Variants in ATP8A1 observed in about 807,000 individuals in gnomAD.
ATP8A1 encodes phospholipid-transporting ATPase IA.
ATP8A1 carries 90 observed loss-of-function variants against 177.7 expected under a neutral mutation model. That is an observed-to-expected ratio of 0.51 (90% CI 0.43 to 0.60). The LOEUF (loss-of-function observed/expected upper bound fraction) is 0.60. Among genes scored for constraint, ATP8A1 ranks in the 20% least tolerant of loss-of-function variants. The pLI is 0.00. For missense variants in ATP8A1, 1,072 were observed against 1,392.8 expected (o/e 0.77, Z 3.67); for synonymous variants, 493 against 485.9 (o/e 1.01, Z -0.19).
At chr4:42,653,305 A>G (rs988523845) in intron 1 of ATP8A1, among the ~76,000 whole-genome samples, 1 of 143,610 alleles carries the variant, frequency 7.0e-6, no homozygotes, top group Non-Finnish European at 1.5e-5. Context: ...CATTTGCCAC[A>G]CAACAAATTC....
Position 42,418,872 on chromosome 4 carries a change from A to G in ATP8A1, c.3305+3935T>C, listed in dbSNP as rs561858340. 3.3e-5 allele frequency among the ~76,000 whole-genome samples: 5 copies of G among 152,370 alleles called. No individual in the cohort carries two copies. The South Asian group carries it at 1.0e-3, about 32-fold the overall frequency. On this transcript the variant is annotated intron_variant, in intron 35 of 36. Coordinates refer to ENST00000381668, the MANE Select transcript of ATP8A1 (RefSeq NM_006095.2). ...AAGATGATTTTTTCTGAAAATGAAC[A>G]AAGATGAGAAATTATTGTAAATATT...
Position 42,420,123 on chromosome 4 carries a change from A to G in ATP8A1, c.3305+2684T>C, listed in dbSNP as rs545594599. Among the ~76,000 whole-genome samples the G allele has an allele frequency of 3.3e-5, 5 of 152,292 alleles. No homozygotes were observed. The South Asian group carries it at 1.0e-3, about 32-fold the overall frequency. On this transcript the variant is annotated intron_variant, in intron 35 of 36. Transcript: ENST00000381668. Reference sequence around the variant, plus strand: ...GTAAAATCAATCCAACAATTCTTTAACCTTAGAGTGCCATTACTTTAAGCA... The same window carrying G: ...GTAAAATCAATCCAACAATTCTTTAGCCTTAGAGTGCCATTACTTTAAGCA...
At chr4:42,597,411 T>C (rs1734824395) in intron 6 of ATP8A1, among the ~76,000 whole-genome samples, 2 of 152,232 alleles carry the variant, frequency 1.3e-5, no homozygotes, top group South Asian at 2.1e-4. Context: ...TATTTCAGTG[T>C]ACATAGTACT....
intron 24 of ATP8A1, among the ~76,000 whole-genome samples, chr4:42,498,145 T>A (rs1023148437): frequency 6.6e-6 from 1 of 152,230 alleles, no homozygotes; most frequent in Admixed American, 6.5e-5. Flanking sequence ...ATGAGACTCA[T>A]GGGACATATC....
rs1404128353 is a variant in ATP8A1 at position 42,544,987 on chromosome 4, C to T, written c.1653-1001G>A. Among the ~76,000 whole-genome samples, 3 of 151,898 alleles carry T rather than the reference C, an allele frequency of 2.0e-5. No homozygotes were observed. In the East Asian group the frequency reaches 5.8e-4, roughly 29 times the overall value. On this transcript the variant is annotated intron_variant, in intron 19 of 36. Transcript: ENST00000381668. ...TCAGCCTGACCAACATGGTGAAACC[C>T]TGTCTCTACTAAAAATACAAAAATT...
intron 33 of ATP8A1, among the ~76,000 whole-genome samples, chr4:42,428,511 C>T (rs1289314021): frequency 6.6e-6 from 1 of 152,210 alleles, no homozygotes; most frequent in Non-Finnish European, 1.5e-5. Context: ...ATTTATCCAT[C>T]TCTGGCCAAC....
At chr4:42,413,375 T>C (rs1353170661) in intron 36 of ATP8A1, among the ~76,000 whole-genome samples, 1 of 152,090 alleles carries the variant, frequency 6.6e-6, no homozygotes, top group African/African-American at 2.4e-5. Context: ...TATTTCCACA[T>C]AGGTCAGGTG....
intron 4 of ATP8A1, among the ~76,000 whole-genome samples, chr4:42,616,965 T>G (rs1433681221): frequency 1.3e-5 from 2 of 152,172 alleles, no homozygotes; most frequent in African/African-American, 4.8e-5. Flanking sequence ...AGAAGAGCGG[T>G]GAGTGTAACT....
chr4:42,606,192 C>T (rs777776694), intron 5 of ATP8A1, among the ~76,000 whole-genome samples: 6 of 152,156 alleles, frequency 3.9e-5, no homozygotes, highest in Non-Finnish European at 5.9e-5. Flanking sequence ...GGTGGACACA[C>T]AAGACTTCAC....
chr4:42,414,780 C>G, intron 35 of ATP8A1, 62 bp from the exon 36 acceptor site: 2 of 1,206,200 alleles, frequency 1.7e-6, no homozygotes, highest in Non-Finnish European at 2.5e-6. Flanking sequence ...CCAGTGTGCC[C>G]ACAGGACCAC....
intron 25 of ATP8A1, among the ~76,000 whole-genome samples, chr4:42,479,639 G>C (rs1321765518): frequency 6.6e-6 from 1 of 152,202 alleles, no homozygotes; most frequent in Non-Finnish European, 1.5e-5. Flanking sequence ...GTAAAGCTTT[G>C]GGGAGGCCTT....
At chr4:42,636,541 T>C (rs191051381) in intron 1 of ATP8A1, among the ~76,000 whole-genome samples, 34 of 152,290 alleles carry the variant, frequency 2.2e-4, no homozygotes, top group Non-Finnish European at 4.4e-5. Context: ...CTTAAAAGCA[T>C]GGAAATTAAA....
chr4:42,472,279 T>C (rs1450209575), intron 25 of ATP8A1: 1 of 545,352 alleles, frequency 1.8e-6, no homozygotes, highest in Non-Finnish European at 3.6e-6. Context: ...GGACAAAGCA[T>C]AGGAGAACAA....
chr4:42,642,379 A>T (rs1740088639), intron 1 of ATP8A1, among the ~76,000 whole-genome samples: 1 of 152,228 alleles, frequency 6.6e-6, no homozygotes. Context: ...AGAACCCACT[A>T]AGACTGGTCA....
At chr4:42,439,797 G>T (rs1716417926) in intron 33 of ATP8A1, among the ~76,000 whole-genome samples, 1 of 152,140 alleles carries the variant, frequency 6.6e-6, no homozygotes, top group Admixed American at 6.6e-5. Flanking sequence ...AGGACTGAGG[G>T]TCCCTTTAGA....
chr4:42,455,372 T>G lies in ATP8A1; in HGVS notation c.2742A>C (p.Ser914=), dbSNP rs1718366082. The part of the protein sequence containing the change: ...PPLTLGIFER[S]CRKENMLKYP... ...ACTTCAACATGTTCTCTTTTCTGCA[T>G]GATCTCTCAAATATTCCAAGAGTTA... is the stretch of plus-strand genomic sequence containing the variant. Residue 914 remains serine (S), a synonymous_variant, in exon 29 of 37, where the codon TCA becomes TCC. Transcript: ENST00000381668. 2.5e-6 allele frequency: 4 copies of G among 1,613,874 alleles called. No individual in the cohort carries two copies. In the African/African-American group the frequency reaches 4.0e-5, roughly 16 times the overall value.
At chr4:42,608,716 G>A (rs545623938) in intron 5 of ATP8A1, among the ~76,000 whole-genome samples, 1 of 152,208 alleles carries the variant, frequency 6.6e-6, no homozygotes, top group South Asian at 2.1e-4. Flanking sequence ...TGACACTACT[G>A]TTGTCATAGA....
At chr4:42,497,469 T>C (rs1265105643) in intron 24 of ATP8A1, among the ~76,000 whole-genome samples, 1 of 152,182 alleles carries the variant, frequency 6.6e-6, no homozygotes, top group Non-Finnish European at 1.5e-5. Flanking sequence ...AGAAAGCATT[T>C]ATCTGCAATT....
intron 15 of ATP8A1, among the ~76,000 whole-genome samples, chr4:42,560,532 T>G (rs1730710182): frequency 6.6e-6 from 1 of 151,512 alleles, no homozygotes; most frequent in South Asian, 2.1e-4. Context: ...TTTTGTTGTG[T>G]GGGTTTTTGT....
Sources: gnomAD v4.1 joint callset for allele counts (sites outside exome capture counted in the v4.1 genomes callset) on GRCh38, gnomAD v4.1.1 for gene constraint, MANE v1.5 for transcripts, NCBI Gene and HGNC (gene_info 2026-07-23, HGNC 2026-07-21) for gene names.